Variants in DIAPH2 observed in about 807,000 individuals in gnomAD.
DIAPH2 encodes protein diaphanous homolog 2.
A neutral mutation model predicts 92.7 loss-of-function variants in DIAPH2; 35 were observed. That is an observed-to-expected ratio of 0.38 (90% CI 0.29 to 0.50). The LOEUF is 0.50. Ranked by LOEUF, DIAPH2 falls within the 20% of genes least tolerant of loss-of-function variation. The pLI is 0.94. For missense variants in DIAPH2, 701 were observed against 819.5 expected (o/e 0.86, Z 1.77); for synonymous variants, 301 against 280.4 (o/e 1.07, Z -0.73).
intron 15 of DIAPH2, among the ~76,000 whole-genome samples, chrX:96,951,370 AC>A (rs1474542649): frequency 9.0e-6 from 1 of 111,181 alleles, no homozygotes; most frequent in Non-Finnish European, 1.9e-5. Context: ...TTTCTAGACC[AC>A]TCATGGGATA....
At chrX:97,381,517 A>G (rs934295798) in intron 24 of DIAPH2, among the ~76,000 whole-genome samples, 1 of 111,973 alleles carries the variant, frequency 8.9e-6, no homozygotes, top group Non-Finnish European at 1.9e-5. Context: ...TGTTCCAAAT[A>G]TTATATGAGA....
intron 17 of DIAPH2, among the ~76,000 whole-genome samples, chrX:97,028,633 C>T (rs1168438188): frequency 8.9e-6 from 1 of 112,227 alleles, no homozygotes; most frequent in Non-Finnish European, 1.9e-5. Context: ...TATATCAATA[C>T]TTCATTCCTT....
chrX:97,336,307 C>G (rs182495885), intron 23 of DIAPH2, among the ~76,000 whole-genome samples: 1,195 of 102,340 alleles, frequency 0.012, 17 homozygotes, highest in African/African-American at 0.041. Context: ...TGCAGTGGCA[C>G]GATCTTGGCT....
rs747410101 is a variant in DIAPH2 at position 97,479,901 on chromosome X, G to A, written c.3241+50156G>A. Among the ~76,000 whole-genome samples, 8 of 111,605 alleles carry A rather than the reference G, an allele frequency of 7.2e-5. No homozygotes were observed. The South Asian group carries it at 3.0e-3, about 42-fold the overall frequency. On this transcript the variant is annotated intron_variant, in intron 26 of 26. Coordinates refer to ENST00000324765, the MANE Select transcript of DIAPH2 (RefSeq NM_006729.5). ...GACATCCCATTTTAGTTGAAAGTCAGCTTATTAGGTAGATGTTATATGAAC... is the reference window on the plus strand; with the variant it reads ...GACATCCCATTTTAGTTGAAAGTCAACTTATTAGGTAGATGTTATATGAAC...
At chrX:96,984,242 A>AGAC in intron 17 of DIAPH2, among the ~76,000 whole-genome samples, 1 of 111,651 alleles carries the variant, frequency 9.0e-6, no homozygotes, top group South Asian at 3.8e-4. Flanking sequence ...CCCCTAGACT[A>AGAC]GGAGTAAGAA....
rs7891296 is a variant in DIAPH2 at position 96,737,199 on chromosome X, A to G, written c.166-1387A>G. ...TAGATTATTTTTCAAGTTTCTTCTC[A>G]GCTCTAAAATACTATGATTTATATA... On this transcript the variant is annotated intron_variant, in intron 2 of 26. Transcript: ENST00000324765. Among the ~76,000 whole-genome samples the G allele has an allele frequency of 9.0e-3, 1,010 of 111,998 alleles. 10 individuals carry two copies. The highest frequency in any genetic ancestry group is 0.031 in the African/African-American group (952 of 30,862).
intron 4 of DIAPH2, among the ~76,000 whole-genome samples, chrX:96,763,998 A>G (rs6620158): frequency 0.099 from 10,575 of 106,298 alleles, 525 homozygotes; most frequent in East Asian, 0.31. Context: ...TTCACGAGAC[A>G]TCTAGGGGGA....
At chrX:96,990,403 C>T (rs190567763) in intron 17 of DIAPH2, among the ~76,000 whole-genome samples, 1 of 111,579 alleles carries the variant, frequency 9.0e-6, no homozygotes, top group East Asian at 2.8e-4. Context: ...CTAGAGTGCG[C>T]ATTTCCGATT....
intron 26 of DIAPH2, among the ~76,000 whole-genome samples, chrX:97,581,181 C>G (rs1233813952): frequency 2.6e-5 from 2 of 78,318 alleles, no homozygotes; most frequent in Non-Finnish European, 5.0e-5. Context: ...CAGTTCTGCT[C>G]TGATTTTAGT....
chrX:96,937,238 A>G lies in DIAPH2; in HGVS notation c.1095A>G (p.Leu365=), dbSNP rs1388523420. 9.0e-7 allele frequency: 1 copy of G among 1,105,385 alleles called. No homozygotes were observed. The highest frequency in any genetic ancestry group is 2.3e-5 in the Admixed American group (1 of 42,733). 91.1% of individuals were successfully genotyped at this position (1,105,385 alleles called of 1,213,427 possible). Residue 365 remains leucine, a synonymous_variant, in exon 11 of 27, where the codon CTA becomes CTG. Coordinates refer to ENST00000324765, the MANE Select transcript of DIAPH2 (RefSeq NM_006729.5). ...RSGLKTMLPD[L]KEKENDELDI... ...ATTTTATGTTTATATATTAGGATCT[A>G]AAAGAAAAAGAGAATGATGAGCTTG...
intron 23 of DIAPH2, among the ~76,000 whole-genome samples, chrX:97,258,383 G>T (rs994896581): frequency 9.1e-6 from 1 of 110,458 alleles, no homozygotes; most frequent in Non-Finnish European, 1.9e-5. Flanking sequence ...AGACCAGCCT[G>T]GACAACATGG....
intron 23 of DIAPH2, among the ~76,000 whole-genome samples, chrX:97,340,692 G>T (rs1222366717): frequency 1.0e-5 from 1 of 95,951 alleles, no homozygotes; most frequent in African/African-American, 3.9e-5. Flanking sequence ...GCCTCGCTCT[G>T]TCGCTCAGGC....
At chrX:97,450,423 G>C (rs1216388814) in intron 26 of DIAPH2, among the ~76,000 whole-genome samples, 1 of 111,656 alleles carries the variant, frequency 9.0e-6, no homozygotes, top group Admixed American at 9.5e-5. Context: ...TAAAGTATAG[G>C]GAGGCGGTGA....
intron 22 of DIAPH2, among the ~76,000 whole-genome samples, chrX:97,201,130 G>GAC (rs1556000958): frequency 3.2e-5 from 2 of 62,981 alleles, no homozygotes; most frequent in African/African-American, 6.8e-5. Context: ...CAACAAGAAA[G>GAC]ACCCCCCCCC....
At chrX:97,237,327 T>A (rs2068055722) in intron 22 of DIAPH2, among the ~76,000 whole-genome samples, 2 of 110,979 alleles carry the variant, frequency 1.8e-5, no homozygotes, top group South Asian at 7.6e-4. Context: ...GTGAAGACAT[T>A]AGTATGGGAT....
chrX:97,221,641 A>G (rs1183148215), intron 22 of DIAPH2, among the ~76,000 whole-genome samples: 1 of 111,845 alleles, frequency 8.9e-6, no homozygotes, highest in East Asian at 2.8e-4. Context: ...TCTTGCTAAT[A>G]CATTTACTCA....
intron 15 of DIAPH2, among the ~76,000 whole-genome samples, chrX:96,955,131 G>T (rs776903321): frequency 1.3e-4 from 15 of 111,931 alleles, no homozygotes; most frequent in Non-Finnish European, 2.1e-4. Flanking sequence ...AAGGGAAGAG[G>T]TTTAATTGAC....
At chrX:97,505,390 G>A (rs1362059776) in intron 26 of DIAPH2, among the ~76,000 whole-genome samples, 1 of 112,104 alleles carries the variant, frequency 8.9e-6, no homozygotes, top group African/African-American at 3.2e-5. Flanking sequence ...AACACAGCTG[G>A]AAGCAAGGAG....
chrX:97,456,979 T>C (rs914523742), intron 26 of DIAPH2, among the ~76,000 whole-genome samples: 12 of 112,399 alleles, frequency 1.1e-4, no homozygotes, highest in African/African-American at 3.9e-4. Context: ...AGTGTTTACA[T>C]TTCCCTGATT....
Sources: allele counts gnomAD v4.1 joint callset (sites outside exome capture counted in the v4.1 genomes callset), GRCh38; gene constraint gnomAD v4.1.1; transcripts MANE v1.5; gene names NCBI Gene and HGNC (gene_info 2026-07-23, HGNC 2026-07-21).